ADGRV1: variants seen among roughly 807,000 people sequenced by gnomAD.
ADGRV1 encodes the protein G-protein coupled receptor 98.
In ADGRV1, 359 loss-of-function variants were observed where a neutral mutation model predicts 596.2. The ratio of observed to expected loss-of-function variants is 0.60; its 90% CI spans 0.55 to 0.66. ADGRV1 has a LOEUF of 0.66. ADGRV1 is among the 30% of genes least tolerant of loss of function. ADGRV1 has a pLI of 0.00. For missense variants in ADGRV1, 7,274 were observed against 7,575.6 expected (o/e 0.96, Z 1.48); for synonymous variants, 2,681 against 2,679.2 (o/e 1.00, Z -0.02).
intron 82 of ADGRV1, among the ~76,000 whole-genome samples, chr5:90,861,650 C>G (rs1055707785): frequency 6.6e-6 from 1 of 152,062 alleles, no homozygotes; most frequent in African/African-American, 2.4e-5. Context: ...ATAGTTATAA[C>G]ACTTTATGCT....
At chr5:91,023,706 G>A (rs1034291370) in intron 85 of ADGRV1, among the ~76,000 whole-genome samples, 1 of 152,098 alleles carries the variant, frequency 6.6e-6, no homozygotes, top group African/African-American at 2.4e-5. Context: ...GGTCCTAGCA[G>A]TGCTTTCTCC....
chr5:91,052,248 G>C (rs1458710214), intron 85 of ADGRV1, among the ~76,000 whole-genome samples: 1 of 150,940 alleles, frequency 6.6e-6, no homozygotes, highest in Non-Finnish European at 1.5e-5. Flanking sequence ...TCAAATCTTA[G>C]GTTGTGTGAT....
In ADGRV1 at chr5:90,776,573, T is replaced by A; in HGVS notation, c.12524T>A (p.Ile4175Asn). 1 of 1,613,246 alleles carries A rather than the reference T, an allele frequency of 6.2e-7. No homozygotes were observed. The highest frequency in any genetic ancestry group is 8.5e-7 in the Non-Finnish European group (1 of 1,179,400). The change falls in exon 61 of 90, where the codon ATC becomes AAC. Residue 4175 changes from isoleucine to asparagine, a missense_variant. By Grantham distance (149) the Ile-to-Asn change is moderately radical. Transcript: ENST00000405460. ...GCAAAATATAATGGTACCGCTATTA[T>A]CAGGTAAGGACTTCATGATTTTTCT... ...PSAKYNGTAI[I>N]SLVRGPGILG...
At chr5:90,680,064 T>G (rs773110525) in intron 26 of ADGRV1, among the ~76,000 whole-genome samples, 8 of 152,136 alleles carry the variant, frequency 5.3e-5, no homozygotes, top group African/African-American at 9.7e-5. Context: ...AATCCTTATA[T>G]GTAAAATGTA....
chr5:90,705,011 T>C (rs1026367166), intron 36 of ADGRV1, among the ~76,000 whole-genome samples: 6 of 152,114 alleles, frequency 3.9e-5, no homozygotes, highest in Non-Finnish European at 8.8e-5. Flanking sequence ...GGTTTCACCA[T>C]GTTGGCCAGG....
At chr5:90,948,705 A>G (rs1270795247) in intron 83 of ADGRV1, among the ~76,000 whole-genome samples, 2 of 152,102 alleles carry the variant, frequency 1.3e-5, no homozygotes, top group African/African-American at 4.8e-5. Flanking sequence ...ACAAGCTCTG[A>G]CACTTACATT....
intron 85 of ADGRV1, among the ~76,000 whole-genome samples, chr5:90,991,415 T>C (rs1360067173): frequency 2.6e-5 from 4 of 152,322 alleles, no homozygotes; most frequent in Non-Finnish European, 5.9e-5. Context: ...CATAACTTAA[T>C]TTTAAAATTG....
In ADGRV1 at chr5:90,783,357, T is replaced by A. The variant is rs974878670; in HGVS notation, c.13433+32T>A. ...ATATAGAAAATAATGTGGGCACATA[T>A]AAGACATAAGTATTGTGTTCAAACT... On this transcript the variant is annotated intron_variant, in intron 66 of 89. Coordinates refer to ENST00000405460, the MANE Select transcript of ADGRV1 (RefSeq NM_032119.4). 6 of 1,369,226 alleles carry A rather than the reference T, an allele frequency of 4.4e-6. No homozygotes were observed. In the South Asian group the frequency reaches 5.9e-5, roughly 14 times the overall value. 84.8% of individuals were successfully genotyped at this position (1,369,226 alleles called of 1,614,324 possible).
intron 21 of ADGRV1, among the ~76,000 whole-genome samples, chr5:90,662,521 A>G (rs543723214): frequency 6.6e-6 from 1 of 151,912 alleles, no homozygotes; most frequent in Non-Finnish European, 1.5e-5. Flanking sequence ...AGCAAACCTC[A>G]GGCGTTATGT....
intron 85 of ADGRV1, among the ~76,000 whole-genome samples, chr5:91,034,220 T>C (rs1388129498): frequency 6.6e-6 from 1 of 152,126 alleles, no homozygotes; most frequent in African/African-American, 2.4e-5. Flanking sequence ...TTGCTGAGGC[T>C]TGTGAAAACC....
At chr5:91,097,399 G>A (rs934539799) in intron 86 of ADGRV1, among the ~76,000 whole-genome samples, 1 of 152,166 alleles carries the variant, frequency 6.6e-6, no homozygotes, top group Non-Finnish European at 1.5e-5. Flanking sequence ...AGTTTGGGGG[G>A]ACACAAACAT....
intron 10 of ADGRV1, among the ~76,000 whole-genome samples, chr5:90,637,179 A>C (rs1399611086): frequency 1.3e-5 from 2 of 152,198 alleles, no homozygotes; most frequent in Admixed American, 1.3e-4. Flanking sequence ...TAACTTGCTC[A>C]AGGTAACCCA....
At chr5:90,819,003 C>A (rs1188500610) in intron 75 of ADGRV1, among the ~76,000 whole-genome samples, 1 of 152,058 alleles carries the variant, frequency 6.6e-6, no homozygotes, top group African/African-American at 2.4e-5. Flanking sequence ...CCAGTTCCTC[C>A]TTGTACCTCT....
At chr5:90,760,208 G>A (rs1208182004) in intron 58 of ADGRV1, among the ~76,000 whole-genome samples, 2 of 147,954 alleles carry the variant, frequency 1.4e-5, no homozygotes, top group Admixed American at 6.7e-5. Flanking sequence ...CCTGGGAGGC[G>A]GAGGTTGCAG....
At chr5:90,801,214 C>A (rs1461119110) in intron 70 of ADGRV1, among the ~76,000 whole-genome samples, 1 of 152,058 alleles carries the variant, frequency 6.6e-6, no homozygotes, top group African/African-American at 2.4e-5. Flanking sequence ...AATCTAACCT[C>A]TTTTCTTCTG....
chr5:91,026,944 C>G (rs1207514716), intron 85 of ADGRV1, among the ~76,000 whole-genome samples: 2 of 151,794 alleles, frequency 1.3e-5, no homozygotes, highest in Non-Finnish European at 2.9e-5. Context: ...GAGTTCGAGA[C>G]CAACCGGGCT....
At chr5:91,092,926 G>A (rs575160158) in intron 86 of ADGRV1, among the ~76,000 whole-genome samples, 26 of 152,256 alleles carry the variant, frequency 1.7e-4, no homozygotes, top group African/African-American at 6.3e-4. Context: ...CCTGATGCCC[G>A]GCCTTGTGCT....
At chr5:90,941,339 A>G (rs1776152707) in intron 83 of ADGRV1, among the ~76,000 whole-genome samples, 1 of 152,230 alleles carries the variant, frequency 6.6e-6, no homozygotes, top group South Asian at 2.1e-4. Flanking sequence ...AAATTGATTA[A>G]CATTATATGA....
intron 59 of ADGRV1, among the ~76,000 whole-genome samples, chr5:90,773,976 C>T (rs1757954039): frequency 6.6e-6 from 1 of 152,146 alleles, no homozygotes; most frequent in South Asian, 2.1e-4. Flanking sequence ...GTATTCTTTT[C>T]CCATTTTCCC....
Sources: gnomAD v4.1 joint callset for allele counts (sites outside exome capture counted in the v4.1 genomes callset) on GRCh38, gnomAD v4.1.1 for gene constraint, MANE v1.5 for transcripts, NCBI Gene and HGNC (gene_info 2026-07-23, HGNC 2026-07-21) for gene names.